Variants in KHDRBS3 observed in about 807,000 individuals in gnomAD.
The protein encoded by KHDRBS3 is KH domain-containing, RNA-binding, signal transduction-associated protein 3.
In KHDRBS3, 23 loss-of-function variants were observed where a neutral mutation model predicts 45.6. The observed-to-expected ratio is 0.50, with a 90% confidence interval of 0.36 to 0.72. The LOEUF (loss-of-function observed/expected upper bound fraction) is 0.72, where lower values mean the gene tolerates loss of function less well. KHDRBS3 is among the 30% of genes least tolerant of loss of function. KHDRBS3 has a pLI of 0.00. For missense variants in KHDRBS3, 352 were observed against 424.8 expected (o/e 0.83, Z 1.51); for synonymous variants, 162 against 156.5 (o/e 1.04, Z -0.26).
chr8:135,646,722 A>T (rs1178487712), intron 8 of KHDRBS3, among the ~76,000 whole-genome samples: 1 of 152,240 alleles, frequency 6.6e-6, no homozygotes, highest in African/African-American at 2.4e-5. Flanking sequence ...AGTAACCAAA[A>T]GGAAAGTCCT....
intron 7 of KHDRBS3, among the ~76,000 whole-genome samples, chr8:135,639,631 G>A (rs1453519772): frequency 6.6e-6 from 1 of 151,784 alleles, no homozygotes; most frequent in Non-Finnish European, 1.5e-5. Context: ...AGAAGTACCT[G>A]GGGCTGGGTA....
chr8:135,472,389 A>G (rs926783575), intron 1 of KHDRBS3, among the ~76,000 whole-genome samples: 1 of 152,190 alleles, frequency 6.6e-6, no homozygotes, highest in Non-Finnish European at 1.5e-5. Flanking sequence ...GACCTGCATC[A>G]AGATGGTGCC....
At chr8:135,622,172 A>G (rs1399294310) in intron 7 of KHDRBS3, among the ~76,000 whole-genome samples, 2 of 152,050 alleles carry the variant, frequency 1.3e-5, no homozygotes, top group African/African-American at 4.8e-5. Flanking sequence ...TTTTCAATCT[A>G]TTCACTGTCC....
downstream of KHDRBS3, among the ~76,000 whole-genome samples, chr8:135,651,346 A>C (rs1208622752): frequency 6.6e-6 from 1 of 151,298 alleles, no homozygotes; most frequent in Non-Finnish European, 1.5e-5. Flanking sequence ...ATGATACCTT[A>C]GTATTGCTGT....
At chr8:135,518,237 G>A (rs1216440730) in intron 1 of KHDRBS3, among the ~76,000 whole-genome samples, 3 of 151,940 alleles carry the variant, frequency 2.0e-5, no homozygotes, top group East Asian at 3.9e-4. Context: ...GCAGTGACAC[G>A]ATCTCACCTC....
intron 1 of KHDRBS3, among the ~76,000 whole-genome samples, chr8:135,484,388 C>T (rs1822739341): frequency 6.6e-6 from 1 of 152,228 alleles, no homozygotes; most frequent in Non-Finnish European, 1.5e-5. Context: ...CTTTGGCTGA[C>T]CCACTGCCTG....
At chr8:135,599,653 C>G (rs932045050) in intron 6 of KHDRBS3, among the ~76,000 whole-genome samples, 3 of 152,208 alleles carry the variant, frequency 2.0e-5, no homozygotes, top group African/African-American at 7.2e-5. Flanking sequence ...AGAGAAAGGG[C>G]CTGCTTTTTA....
intron 6 of KHDRBS3, among the ~76,000 whole-genome samples, chr8:135,591,537 G>A (rs1828743001): frequency 6.6e-6 from 1 of 152,212 alleles, no homozygotes; most frequent in Admixed American, 6.5e-5. Flanking sequence ...TAAGATGAAA[G>A]TTGTCTTGAA....
At chr8:135,634,310 C>A (rs1314804037) in intron 7 of KHDRBS3, among the ~76,000 whole-genome samples, 1 of 152,116 alleles carries the variant, frequency 6.6e-6, no homozygotes, top group Non-Finnish European at 1.5e-5. Context: ...GATGTCCTCC[C>A]GAGCAGTGAA....
intron 1 of KHDRBS3, among the ~76,000 whole-genome samples, chr8:135,499,968 AGTT>A (rs1455915870): frequency 1.3e-5 from 2 of 152,228 alleles, no homozygotes; most frequent in Non-Finnish European, 2.9e-5. Context: ...AGCCTATAAC[AGTT>A]ACAGTTTACA....
At chr8:135,595,975 CAAAT>C (rs1330561471) in intron 6 of KHDRBS3, among the ~76,000 whole-genome samples, 1 of 151,870 alleles carries the variant, frequency 6.6e-6, no homozygotes, top group Admixed American at 6.6e-5. Flanking sequence ...AAACAGTCAA[CAAAT>C]AAACCAAAAA....
chr8:135,580,428 A>T (rs1229024491), intron 5 of KHDRBS3, among the ~76,000 whole-genome samples: 1 of 152,186 alleles, frequency 6.6e-6, no homozygotes, highest in Admixed American at 6.5e-5. Flanking sequence ...TATTTAATAG[A>T]CATAAGCCCA....
intron 1 of KHDRBS3, among the ~76,000 whole-genome samples, chr8:135,481,858 G>C (rs990194600): frequency 6.6e-6 from 1 of 152,120 alleles, no homozygotes; most frequent in Non-Finnish European, 1.5e-5. Context: ...TGGCTGTTTA[G>C]GAAGATACCA....
intron 4 of KHDRBS3, among the ~76,000 whole-genome samples, chr8:135,552,474 T>C (rs1353490271): frequency 6.6e-6 from 1 of 152,104 alleles, no homozygotes; most frequent in African/African-American, 2.4e-5. Flanking sequence ...ATCTGGGCCC[T>C]CTCCAAGACA....
intron 3 of KHDRBS3, among the ~76,000 whole-genome samples, chr8:135,545,195 C>G (rs568388198): frequency 3.3e-4 from 50 of 152,150 alleles, no homozygotes; most frequent in African/African-American, 1.2e-3. Context: ...GCAGCCTTTC[C>G]CCTGGGTTTA....
At chr8:135,560,217 T>G (rs1827102500) in intron 5 of KHDRBS3, among the ~76,000 whole-genome samples, 1 of 152,172 alleles carries the variant, frequency 6.6e-6, no homozygotes, top group African/African-American at 2.4e-5. Flanking sequence ...GAACACTATA[T>G]GTAGTATTCA....
At chr8:135,461,084 A>G (rs1418056317) in intron 1 of KHDRBS3, among the ~76,000 whole-genome samples, 2 of 152,044 alleles carry the variant, frequency 1.3e-5, no homozygotes, top group African/African-American at 4.8e-5. Context: ...TCCTAAATGA[A>G]TTTGTTTCCC....
intron 3 of KHDRBS3, among the ~76,000 whole-genome samples, chr8:135,544,392 A>G (rs569156745): frequency 6.6e-6 from 1 of 152,296 alleles, no homozygotes; most frequent in African/African-American, 2.4e-5. Context: ...CTGACTACCC[A>G]TATAATGAAA....
chr8:135,637,337 C>T (rs1276183141), intron 7 of KHDRBS3, among the ~76,000 whole-genome samples: 1 of 152,112 alleles, frequency 6.6e-6, no homozygotes. Context: ...GTTATTGTAA[C>T]AAAGGCTCCT....
Sources: gnomAD v4.1 joint callset for allele counts (sites outside exome capture counted in the v4.1 genomes callset) on GRCh38, gnomAD v4.1.1 for gene constraint, MANE v1.5 for transcripts, NCBI Gene and HGNC (gene_info 2026-07-23, HGNC 2026-07-21) for gene names.